Variants in RIPOR2 observed in about 807,000 individuals in gnomAD.
RIPOR2 encodes RHO family interacting cell polarization regulator 2, also known as rho family-interacting cell polarization regulator 2.
RIPOR2 carries 39 observed loss-of-function variants against 114.5 expected under a neutral mutation model. The observed-to-expected ratio is 0.34, with a 90% CI of 0.26 to 0.44. The LOEUF is 0.44. Ranked by LOEUF, RIPOR2 falls within the 20% of genes least tolerant of loss-of-function variation. The pLI, the probability that RIPOR2 is intolerant of heterozygous loss-of-function variation, is 1.00. For missense variants in RIPOR2, 1,007 were observed against 1,255.1 expected (o/e 0.80, Z 2.99); for synonymous variants, 445 against 484.4 (o/e 0.92, Z 1.07).
intron 1 of RIPOR2, among the ~76,000 whole-genome samples, chr6:24,914,444 C>T (rs1370469507): frequency 1.3e-5 from 2 of 152,130 alleles, no homozygotes; most frequent in African/African-American, 4.8e-5. Context: ...TGCTAAGGGC[C>T]GGAGGTAAGC....
At chr6:25,025,622 T>A (rs1328248050) in intron 1 of RIPOR2, among the ~76,000 whole-genome samples, 1 of 152,202 alleles carries the variant, frequency 6.6e-6, no homozygotes, top group African/African-American at 2.4e-5. Context: ...TTTTAGAATA[T>A]AACTGATTAA....
intron 21 of RIPOR2, 24 bp downstream of exon 21, chr6:24,809,693 G>C (rs1236584652): frequency 1.4e-6 from 2 of 1,444,584 alleles, no homozygotes; most frequent in East Asian, 4.9e-5. Flanking sequence ...AAACAATCAT[G>C]TAAACAACAA....
intron 1 of RIPOR2, among the ~76,000 whole-genome samples, chr6:24,881,952 T>C (rs761187894): frequency 9.9e-5 from 15 of 152,132 alleles, no homozygotes; most frequent in Non-Finnish European, 2.1e-4. Context: ...TGATTGCAGT[T>C]TGGGGGAAGA....
At chr6:25,038,644 C>T (rs1216850003) in intron 1 of RIPOR2, among the ~76,000 whole-genome samples, 1 of 152,194 alleles carries the variant, frequency 6.6e-6, no homozygotes, top group Non-Finnish European at 1.5e-5. Flanking sequence ...TGCCCACAAC[C>T]ATTGAGCTTG....
At chr6:25,026,437 G>A (rs1055649221) in intron 1 of RIPOR2, among the ~76,000 whole-genome samples, 3 of 152,100 alleles carry the variant, frequency 2.0e-5, no homozygotes, top group African/African-American at 4.8e-5. Flanking sequence ...TGCGAAGGGC[G>A]GATTGAAAAG....
rs75780778 is a variant in RIPOR2, at chr6:24,828,095, A to G, written c.2665+42T>C. The G allele has an allele frequency of 1.2e-3, 1,748 of 1,468,552 alleles. 4 individuals are homozygous for G. The highest frequency in any genetic ancestry group is 7.7e-3 in the Middle Eastern group (42 of 5,482). 91.0% of individuals were successfully genotyped at this position (1,468,552 alleles called of 1,614,324 possible). ...ATTTAAAAGAGCAGAGATAACGCCA[A>G]ATTGAGCCACCACTACAATGTGACA... On this transcript the variant is annotated intron_variant, in intron 18 of 21. Transcript: ENST00000643898.
At chr6:24,936,144 TC>T, upstream of RIPOR2, 1 of 458,702 alleles carries the variant, frequency 2.2e-6, no homozygotes, top group South Asian at 3.1e-5. Flanking sequence ...GGGCTGCAGA[TC>T]CGGTTGGATA....
intron 12 of RIPOR2, 130 bp from the exon 13 acceptor site, chr6:24,843,684 T>G (rs1311576594): frequency 2.3e-5 from 15 of 646,570 alleles, no homozygotes; most frequent in Non-Finnish European, 3.9e-5. Flanking sequence ...TGTTAGCATT[T>G]TATTTGTTGA....
In RIPOR2 at chr6:24,830,444, C is replaced by T. The variant is rs539406278; in HGVS notation, c.2506+65G>A. The T allele has an allele frequency of 9.4e-6, 13 of 1,375,708 alleles. No homozygotes were observed. The African/African-American group carries it at 1.0e-4, about 11-fold the overall frequency. The allele number at this position is 1,375,708 out of a possible 1,614,324, so 85.2% of individuals were successfully genotyped here. A position where few individuals can be genotyped will look rare whatever the true frequency, so the allele number is the denominator to read the frequency against. ...TGGTAGGAGGACCCCTCTCCCCCGA[C>T]CCCCACCCCAATGCCCACTCTCACA... On this transcript the variant is annotated intron_variant, in intron 17 of 21. Transcript: ENST00000643898.
chr6:24,807,401 G>A (rs1157419644), intron 21 of RIPOR2, among the ~76,000 whole-genome samples: 1 of 152,148 alleles, frequency 6.6e-6, no homozygotes, highest in Non-Finnish European at 1.5e-5. Flanking sequence ...TGAACTCGGG[G>A]GCAGAGGTTG....
intron 16 of RIPOR2, 45 bp from the exon 17 acceptor site, chr6:24,830,715 T>C: frequency 6.6e-7 from 1 of 1,505,196 alleles, no homozygotes; most frequent in Non-Finnish European, 8.9e-7. Context: ...CATTTTATTT[T>C]ATTTTATTTT....
rs1415188565 is a variant in RIPOR2, at chr6:24,825,446, A to G, written c.2666-18T>C. 1 of 1,529,150 alleles carries G rather than the reference A, an allele frequency of 6.5e-7. No individual in the cohort carries two copies. Among genetic ancestry groups the G allele is most frequent in the Non-Finnish European group, 8.9e-7 (1 of 1,126,200 alleles). 94.7% of individuals were successfully genotyped at this position (1,529,150 alleles called of 1,614,324 possible). ...CATGGAAACTGGAGGGTAAGAAGGA[A>G]GGAGATTTCATGTTCTGACATGCTA... On this transcript the variant is annotated intron_variant, in intron 18 of 21. Transcript: ENST00000643898.
intron 20 of RIPOR2, 76 bp from the exon 21 acceptor site, chr6:24,809,883 T>G: frequency 1.0e-6 from 1 of 961,484 alleles, no homozygotes; most frequent in East Asian, 2.6e-5. Context: ...ATTTCACAAC[T>G]GGTGGGAACT....
At chr6:24,846,753 G>A (rs1023037846) in intron 12 of RIPOR2, among the ~76,000 whole-genome samples, 7 of 152,080 alleles carry the variant, frequency 4.6e-5, no homozygotes, top group Non-Finnish European at 7.4e-5. Flanking sequence ...GTGTGTGCAT[G>A]CATGTGTGTG....
chr6:25,023,261 A>G lies in RIPOR2; in HGVS notation c.76+18590T>C. 3 of 730,658 alleles carry G rather than the reference A, an allele frequency of 4.1e-6. 1 individual carries two copies. The highest frequency in any genetic ancestry group is 2.7e-5 in the South Asian group (2 of 74,810). The allele number at this position is 730,658 out of a possible 1,614,324, so 45.3% of individuals were successfully genotyped here. A position where few individuals can be genotyped will look rare whatever the true frequency, so the allele number is the denominator to read the frequency against. On this transcript the variant is annotated intron_variant, in intron 1 of 13. Coordinates refer to the RIPOR2 transcript ENST00000510784. Reference sequence around the variant, plus strand: ...TTGTACAGGGGTCTATTTGGCAGTGACCTTGCTCTGCAGACGATGATATTC... The same window carrying G: ...TTGTACAGGGGTCTATTTGGCAGTGGCCTTGCTCTGCAGACGATGATATTC...
At chr6:24,838,774 A>G (rs1480258090) in intron 14 of RIPOR2, among the ~76,000 whole-genome samples, 1 of 152,170 alleles carries the variant, frequency 6.6e-6, no homozygotes, top group Non-Finnish European at 1.5e-5. Context: ...AGCCTGGGTG[A>G]CAGAGCAAGA....
In RIPOR2 at chr6:24,922,858, CAAAAA is replaced by C. The variant is rs869160864; in HGVS notation, c.61+12975_61+12979del. On this transcript the variant is annotated intron_variant, in intron 1 of 21. Coordinates refer to ENST00000643898, the MANE Select transcript of RIPOR2 (RefSeq NM_001286445.3). ...CCTGTGCAACAGAACAGGACAGTCT[CAAAAA>C]AAAAAAAAAAAAAAAAAAGGTAAAA... Among the ~76,000 whole-genome samples the C allele has an allele frequency of 4.5e-3, 353 of 78,650 alleles. 2 individuals carry two copies. The highest frequency in any genetic ancestry group is 0.012 in the African/African-American group (309 of 25,130). 51.6% of individuals were successfully genotyped at this position (78,650 alleles called of 152,430 possible). A position where few individuals can be genotyped will look rare whatever the true frequency, so the allele number is the denominator to read the frequency against.
chr6:24,877,237 G>C, intron 1 of RIPOR2: 1 of 985,432 alleles, frequency 1.0e-6, no homozygotes, highest in Non-Finnish European at 1.2e-6. Flanking sequence ...GTTTGAGCGA[G>C]TTACTTCCCC....
intron 1 of RIPOR2, among the ~76,000 whole-genome samples, chr6:24,935,561 A>T (rs554572941): frequency 6.6e-6 from 1 of 152,218 alleles, no homozygotes; most frequent in Admixed American, 6.5e-5. Flanking sequence ...CAAGGCAAAA[A>T]ATTTAGTACT....
Sources: allele counts gnomAD v4.1 joint callset (sites outside exome capture counted in the v4.1 genomes callset), GRCh38; gene constraint gnomAD v4.1.1; transcripts MANE v1.5; gene names NCBI Gene and HGNC (gene_info 2026-07-23, HGNC 2026-07-21).